Variants in CCDC171 observed in about 807,000 individuals in gnomAD.
CCDC171 encodes the protein coiled-coil domain containing 171.
CCDC171 carries 177 observed loss-of-function variants against 168.2 expected under a neutral mutation model. That is an observed-to-expected ratio of 1.05 (90% CI 0.93 to 1.19). The LOEUF (loss-of-function observed/expected upper bound fraction) is 1.19. Among genes scored for constraint, CCDC171 ranks in the 50% most tolerant of loss-of-function variants. The pLI is 0.00. For missense variants in CCDC171, 1,991 were observed against 1,539.0 expected, an observed-to-expected ratio of 1.29 and a Z score of -4.91; for synonymous variants, 687 against 540.8, an observed-to-expected ratio of 1.27 and a Z score of -3.75.
chr9:15,581,645 A>G (rs1428720809), intron 4 of CCDC171, among the ~76,000 whole-genome samples: 4 of 152,116 alleles, frequency 2.6e-5, no homozygotes, highest in African/African-American at 9.7e-5. Flanking sequence ...CAACCATGTG[A>G]TCTTTGACAA....
intron 1 of CCDC171, among the ~76,000 whole-genome samples, chr9:16,050,634 A>G (rs1833735655): frequency 6.6e-6 from 1 of 152,232 alleles, no homozygotes; most frequent in Non-Finnish European, 1.5e-5. Flanking sequence ...TTTTTTGCAA[A>G]TTTGACACCA....
chr9:15,778,169 C>G (rs559616816), intron 19 of CCDC171, among the ~76,000 whole-genome samples: 1 of 151,016 alleles, frequency 6.6e-6, no homozygotes, highest in Admixed American at 6.6e-5. Flanking sequence ...CGGTGGCGGG[C>G]GCCTGTAGTC....
chr9:15,561,282 T>G (rs1294355736), intron 1 of CCDC171, among the ~76,000 whole-genome samples: 1 of 152,194 alleles, frequency 6.6e-6, no homozygotes, highest in South Asian at 2.1e-4. Context: ...GTTGGAATGA[T>G]GACAGCAGGG....
At chr9:15,684,277 A>C (rs1357695468) in intron 10 of CCDC171, among the ~76,000 whole-genome samples, 1 of 152,156 alleles carries the variant, frequency 6.6e-6, no homozygotes, top group East Asian at 1.9e-4. Context: ...AAAAATGTTC[A>C]GAAATTATAA....
intron 25 of CCDC171, among the ~76,000 whole-genome samples, chr9:15,928,832 C>G (rs931759727): frequency 9.9e-5 from 15 of 151,562 alleles, no homozygotes; most frequent in Non-Finnish European, 2.1e-4. Flanking sequence ...TTAAAGGTTT[C>G]TCATATTCTA....
At chr9:15,751,977 A>C (rs1281578070) in intron 18 of CCDC171, among the ~76,000 whole-genome samples, 1 of 152,218 alleles carries the variant, frequency 6.6e-6, no homozygotes, top group Non-Finnish European at 1.5e-5. Context: ...CAGGCAACCT[A>C]CCGAATGGGA....
intron 6 of CCDC171, among the ~76,000 whole-genome samples, chr9:15,606,833 C>T (rs1270008634): frequency 6.6e-6 from 1 of 152,102 alleles, no homozygotes; most frequent in Non-Finnish European, 1.5e-5. Flanking sequence ...ATTTTAAGTT[C>T]AACAGCCCCC....
At chr9:15,730,705 A>C (rs997804281) in intron 16 of CCDC171, among the ~76,000 whole-genome samples, 1 of 151,872 alleles carries the variant, frequency 6.6e-6, no homozygotes, top group Non-Finnish European at 1.5e-5. Flanking sequence ...TGTATCCCCA[A>C]ATTTAAAGGT....
chr9:15,979,645 G>C (rs1473035754), intron 3 of CCDC171, among the ~76,000 whole-genome samples: 2 of 151,908 alleles, frequency 1.3e-5, no homozygotes, highest in African/African-American at 4.8e-5. Flanking sequence ...AATCTCACTT[G>C]GTCATGGTGT....
intron 25 of CCDC171, among the ~76,000 whole-genome samples, chr9:15,930,516 T>C (rs1429059965): frequency 6.6e-6 from 1 of 151,668 alleles, no homozygotes; most frequent in Non-Finnish European, 1.5e-5. Context: ...GGTGTTTATG[T>C]AGAGGTGGAC....
chr9:15,813,869 T>C (rs1282121745), intron 21 of CCDC171, among the ~76,000 whole-genome samples: 2 of 152,212 alleles, frequency 1.3e-5, no homozygotes, highest in Non-Finnish European at 2.9e-5. Flanking sequence ...CTAGTTCTGG[T>C]GCACACACAA....
intron 6 of CCDC171, among the ~76,000 whole-genome samples, chr9:15,618,982 G>A (rs1005731241): frequency 3.9e-5 from 6 of 152,244 alleles, no homozygotes; most frequent in African/African-American, 9.6e-5. Context: ...GCCCTGTCCA[G>A]TGGTCTTTAC....
intron 21 of CCDC171, among the ~76,000 whole-genome samples, chr9:15,832,008 T>G (rs1176184012): frequency 6.6e-6 from 1 of 152,104 alleles, no homozygotes; most frequent in East Asian, 1.9e-4. Flanking sequence ...TTTTTGTCTT[T>G]TTTGTTTGTT....
At chr9:15,661,556 T>C (rs2048325818) in intron 8 of CCDC171, among the ~76,000 whole-genome samples, 1 of 152,318 alleles carries the variant, frequency 6.6e-6, no homozygotes, top group African/African-American at 2.4e-5. Context: ...TATTTACAAG[T>C]ATTTTCAATG....
At chr9:15,618,887 T>G (rs1587457090) in intron 6 of CCDC171, among the ~76,000 whole-genome samples, 3 of 151,866 alleles carry the variant, frequency 2.0e-5, no homozygotes, top group Admixed American at 2.0e-4. Context: ...CAGTTGGAAA[T>G]GCAGAAATCA....
intron 1 of CCDC171, among the ~76,000 whole-genome samples, chr9:16,058,460 C>A (rs1228517835): frequency 1.3e-5 from 2 of 152,184 alleles, no homozygotes; most frequent in Non-Finnish European, 2.9e-5. Context: ...ACCTCCCCGT[C>A]CAGATGTGTT....
the CCDC171 span, among the ~76,000 whole-genome samples, chr9:16,101,347 G>A: frequency 1.3e-5 from 2 of 152,158 alleles, no homozygotes; most frequent in Non-Finnish European, 2.9e-5. Context: ...TTGTTTATCT[G>A]AATTTCAAAT....
At chr9:16,047,659 C>G (rs1475640162) in intron 1 of CCDC171, among the ~76,000 whole-genome samples, 1 of 152,188 alleles carries the variant, frequency 6.6e-6, no homozygotes, top group East Asian at 1.9e-4. Flanking sequence ...CCTTTGTTAC[C>G]TGGGAAGTGG....
intron 25 of CCDC171, among the ~76,000 whole-genome samples, chr9:15,953,837 G>T (rs185194662): frequency 9.9e-5 from 15 of 152,116 alleles, no homozygotes; most frequent in African/African-American, 3.6e-4. Flanking sequence ...TTTGATTACT[G>T]AGTCAATCTG....
Sources: gnomAD v4.1 joint callset for allele counts (sites outside exome capture counted in the v4.1 genomes callset) on GRCh38, gnomAD v4.1.1 for gene constraint, MANE v1.5 for transcripts, NCBI Gene and HGNC (gene_info 2026-07-23, HGNC 2026-07-21) for gene names.